The following SEMA3A variants were observed in gnomAD, a reference collection of about 807,000 sequenced individuals.
The protein encoded by SEMA3A is semaphorin-3A.
In SEMA3A, 29 loss-of-function variants were observed where a neutral mutation model predicts 97.9. The ratio of observed to expected loss-of-function variants is 0.30; its 90% confidence interval spans 0.22 to 0.40. The LOEUF (loss-of-function observed/expected upper bound fraction) is 0.40, where lower values mean the gene tolerates loss of function less well. Among genes scored for constraint, SEMA3A ranks in the 10% least tolerant of loss-of-function variants. The pLI is 1.00. For synonymous variants in SEMA3A, 321 were observed against 323.7 expected, an observed-to-expected ratio of 0.99 and a Z score of 0.09; for missense variants, 763 against 951.3, an observed-to-expected ratio of 0.80 and a Z score of 2.60.
At chr7:83,983,264 T>A (rs1463224184) in intron 13 of SEMA3A, among the ~76,000 whole-genome samples, 1 of 151,776 alleles carries the variant, frequency 6.6e-6, no homozygotes, top group Non-Finnish European at 1.5e-5. Flanking sequence ...TCTTTCTTTT[T>A]CTTTCACAGA....
In SEMA3A at chr7:84,445,516, AAAAAG is replaced by A. The variant is rs1554388668; in HGVS notation, c.-246+46939_-246+46943del. Among the ~76,000 whole-genome samples the A allele has an allele frequency of 3.1e-3, 384 of 123,740 alleles. 4 individuals carry two copies. The highest frequency in any genetic ancestry group is 4.8e-3 in the South Asian group (19 of 3,926). 81.2% of individuals were successfully genotyped at this position (123,740 alleles called of 152,430 possible). A position where few individuals can be genotyped will look rare whatever the true frequency, so the allele number is the denominator to read the frequency against. ...CTCAAAAAAAAAAAAAAAAAAAAAA[AAAAAG>A]AAAAGAAAAGAAAAGAAGAGAAAAG... On this transcript the variant is annotated intron_variant, in intron 1 of 3. Transcript: ENST00000424555.
At chr7:83,963,106 C>G in intron 16 of SEMA3A, 99 bp downstream of exon 16, 1 of 1,283,610 alleles carries the variant, frequency 7.8e-7, no homozygotes, top group African/African-American at 1.5e-5. Flanking sequence ...AGAGGATAAG[C>G]ATTCTCAGTG....
chr7:84,354,846 A>C (rs2116038523), intron 2 of SEMA3A, among the ~76,000 whole-genome samples: 1 of 151,926 alleles, frequency 6.6e-6, no homozygotes, highest in African/African-American at 2.4e-5. Context: ...GGAAGAGATA[A>C]GTATACTTAA....
At chr7:84,109,549 T>G (rs1023516863) in intron 4 of SEMA3A, among the ~76,000 whole-genome samples, 2 of 152,240 alleles carry the variant, frequency 1.3e-5, no homozygotes, top group African/African-American at 2.4e-5. Flanking sequence ...AAAAGACATA[T>G]TTGTATCACT....
intron 1 of SEMA3A, among the ~76,000 whole-genome samples, chr7:84,425,975 G>A (rs890006487): frequency 1.3e-5 from 2 of 151,460 alleles, no homozygotes; most frequent in African/African-American, 4.9e-5. Context: ...AAGTAACTCA[G>A]GAATGGAAAA....
chr7:84,317,277 T>A (rs1227073915), intron 2 of SEMA3A, among the ~76,000 whole-genome samples: 2 of 152,192 alleles, frequency 1.3e-5, no homozygotes, highest in African/African-American at 4.8e-5. Context: ...CTCCTACATT[T>A]TATTTTCTGT....
chr7:84,105,624 A>T (rs1160573120), intron 4 of SEMA3A, among the ~76,000 whole-genome samples: 2 of 152,070 alleles, frequency 1.3e-5, no homozygotes, highest in Non-Finnish European at 2.9e-5. Context: ...CCTGCCAGTA[A>T]GTAGAAAAGA....
At chr7:84,481,199 T>C (rs570044353) in intron 1 of SEMA3A, among the ~76,000 whole-genome samples, 5 of 152,302 alleles carry the variant, frequency 3.3e-5, no homozygotes, top group African/African-American at 9.6e-5. Context: ...GGTTGACCAT[T>C]GAAAAGATAC....
chr7:84,424,173 CAAA>C (rs1249839464), intron 1 of SEMA3A, among the ~76,000 whole-genome samples: 1 of 151,140 alleles, frequency 6.6e-6, no homozygotes, highest in East Asian at 1.9e-4. Context: ...GTCAGTATAT[CAAA>C]AAGACACCTG....
rs537910741 is a variant in SEMA3A, at chr7:84,491,441, G to C, written c.-246+1019C>G. Among the ~76,000 whole-genome samples, 4 of 152,130 alleles carry C rather than the reference G, an allele frequency of 2.6e-5. No homozygotes were observed. In the East Asian group the frequency reaches 7.7e-4, roughly 29 times the overall value. ...GATCAGCTTTGTGCAGTGTTTGATG[G>C]ATTAATTCAGAAATCATTAATAACT... On this transcript the variant is annotated intron_variant, in intron 1 of 3. Coordinates refer to the SEMA3A transcript ENST00000424555.
At chr7:84,393,414 C>T (rs559809355) in intron 1 of SEMA3A, among the ~76,000 whole-genome samples, 12 of 152,020 alleles carry the variant, frequency 7.9e-5, no homozygotes, top group African/African-American at 2.4e-4. Flanking sequence ...AGAACAAAGC[C>T]GGAGGCATCA....
chr7:84,091,066 C>G (rs1003300552), intron 4 of SEMA3A, among the ~76,000 whole-genome samples: 3 of 140,408 alleles, frequency 2.1e-5, no homozygotes, highest in African/African-American at 7.8e-5. Context: ...CAGAGTGAGA[C>G]TCCAACTCAA....
chr7:84,258,131 T>G (rs2115646197), intron 3 of SEMA3A, among the ~76,000 whole-genome samples: 1 of 152,284 alleles, frequency 6.6e-6, no homozygotes, highest in South Asian at 2.1e-4. Context: ...GGTCAGCACA[T>G]TACTGGTTCC....
chr7:84,310,437 T>A (rs1206712843), intron 2 of SEMA3A, among the ~76,000 whole-genome samples: 1 of 152,038 alleles, frequency 6.6e-6, no homozygotes, highest in Non-Finnish European at 1.5e-5. Context: ...TCCATTAGTG[T>A]CAGGTAAAGA....
At chr7:84,088,740 C>A (rs901564415) in intron 4 of SEMA3A, among the ~76,000 whole-genome samples, 1 of 151,860 alleles carries the variant, frequency 6.6e-6, no homozygotes, top group Non-Finnish European at 1.5e-5. Flanking sequence ...CACCTTCCTG[C>A]CTAACATTAA....
chr7:84,051,107 C>G (rs978879017), intron 5 of SEMA3A, among the ~76,000 whole-genome samples: 51 of 150,600 alleles, frequency 3.4e-4, no homozygotes, highest in African/African-American at 1.2e-3. Context: ...GTTTTGGTTA[C>G]TGTAGCCTTG....
intron 3 of SEMA3A, among the ~76,000 whole-genome samples, chr7:84,286,542 T>G (rs75045218): frequency 1.3e-5 from 2 of 152,308 alleles, no homozygotes; most frequent in South Asian, 2.1e-4. Flanking sequence ...GATTCATATT[T>G]TATTAGATAA....
At chr7:84,188,404 C>T (rs2116259274) in intron 1 of SEMA3A, among the ~76,000 whole-genome samples, 1 of 151,960 alleles carries the variant, frequency 6.6e-6, no homozygotes, top group South Asian at 2.1e-4. Context: ...TAGCTGGAGA[C>T]ATTCATACTT....
At chr7:84,058,946 T>C (rs1043946128) in intron 5 of SEMA3A, among the ~76,000 whole-genome samples, 1 of 152,216 alleles carries the variant, frequency 6.6e-6, no homozygotes, top group African/African-American at 2.4e-5. Flanking sequence ...GTCATCATTC[T>C]TTCTCAGCGG....
Sources: allele counts gnomAD v4.1 joint callset (sites outside exome capture counted in the v4.1 genomes callset), GRCh38; gene constraint gnomAD v4.1.1; transcripts MANE v1.5; gene names NCBI Gene and HGNC (gene_info 2026-07-23, HGNC 2026-07-21).